Variants in FAM83F observed in about 807,000 individuals in gnomAD.
The protein encoded by FAM83F is scaffolding CK1 anchoring protein F.
A neutral mutation model predicts 42.9 loss-of-function variants in FAM83F; 45 were observed. The observed-to-expected ratio is 1.05, with a 90% CI of 0.83 to 1.35. The LOEUF (loss-of-function observed/expected upper bound fraction) is 1.35. Among genes scored for constraint, FAM83F ranks in the 40% most tolerant of loss-of-function variants. The probability of loss-of-function intolerance (pLI) is 0.00; values close to 1 mark genes in which losing one functional copy is unlikely to be tolerated. For synonymous variants in FAM83F, 306 were observed against 298.3 expected (o/e 1.03, Z -0.27); for missense variants, 617 against 695.9 (o/e 0.89, Z 1.28).
At chr22:40,026,790 G>A (rs892081459) in intron 4 of FAM83F, among the ~76,000 whole-genome samples, 4 of 152,260 alleles carry the variant, frequency 2.6e-5, no homozygotes, top group African/African-American at 9.6e-5. Context: ...CTGGCTGGCA[G>A]TGTGGTCTGG....
intron 1 of FAM83F, among the ~76,000 whole-genome samples, chr22:39,997,610 G>A (rs1434221818): frequency 6.6e-6 from 1 of 152,212 alleles, no homozygotes; most frequent in Non-Finnish European, 1.5e-5. Context: ...GGCTTCCTGA[G>A]GGAGGTGAGT....
rs2067581900 is a variant in FAM83F, at chr22:40,030,721, G to A, written c.*1156G>A. The A allele has an allele frequency of 6.6e-6, 1 of 152,322 alleles. No homozygotes were observed. Among genetic ancestry groups the A allele is most frequent in the Non-Finnish European group, 1.5e-5 (1 of 68,114 alleles). The allele number at this position is 152,322 out of a possible 1,614,324, so 9.4% of individuals were successfully genotyped here. A position where few individuals can be genotyped will look rare whatever the true frequency, so the allele number is the denominator to read the frequency against. ...GGAGAGTTTGTGAATGGACCTGGGA[G>A]AAATTGCCAAACTGCAGACTCTGTG... is the stretch of plus-strand genomic sequence containing the variant. On this transcript the variant is annotated 3_prime_UTR_variant, in exon 5 of 5. Transcript: ENST00000333407.
In FAM83F at chr22:40,036,847, C is replaced by T. The variant is rs1033750167; in HGVS notation, c.*7282C>T. On this transcript the variant is annotated 3_prime_UTR_variant, in exon 5 of 5. Coordinates refer to ENST00000333407, the MANE Select transcript of FAM83F (RefSeq NM_138435.4). ...CTTGTGGCTGGCTGGCAGCATACGT[C>T]CTTCCTCCCCTAGGTCAGCTAGACG... 6.6e-6 allele frequency: 1 copy of T among 152,212 alleles called. No individual in the cohort carries two copies. Among genetic ancestry groups the T allele is most frequent in the African/African-American group, 2.4e-5 (1 of 41,450 alleles). 9.4% of individuals were successfully genotyped at this position (152,212 alleles called of 1,614,324 possible).
chr22:40,003,427 C>T (rs914919220), intron 1 of FAM83F, among the ~76,000 whole-genome samples: 16 of 152,182 alleles, frequency 1.1e-4, no homozygotes, highest in African/African-American at 3.4e-4. Context: ...TTTCTTAGAG[C>T]GTGCAAAGCA....
At chr22:40,017,030 CTT>C (rs533441244) in intron 1 of FAM83F, among the ~76,000 whole-genome samples, 1,669 of 152,048 alleles carry the variant, frequency 0.011, 25 homozygotes, top group African/African-American at 0.038. Context: ...TCAGATAAAA[CTT>C]TTTTTTGTTT....
At position 40,009,173 on chromosome 22, in the gene FAM83F, C is replaced by T. The variant is rs547195127; in HGVS notation, c.490-9995C>T. Among the ~76,000 whole-genome samples the T allele has an allele frequency of 3.9e-5, 6 of 152,270 alleles. No individual in the cohort carries two copies. In the South Asian group the frequency reaches 1.2e-3, roughly 32 times the overall value. On this transcript the variant is annotated intron_variant, in intron 1 of 4. Coordinates refer to ENST00000333407, the MANE Select transcript of FAM83F (RefSeq NM_138435.4). ...AGGGCAGGTGTGGGAGGCGACTCGG[C>T]CCCAGGCGCACATGGGTAGGTAATC...
rs2067653844 is a variant in FAM83F at position 40,042,107 on chromosome 22, C to T, written c.*12542C>T. ...AAGCTCCTGGCCTCAAGCAATCCTT[C>T]CGCCTTGGCCTCTCAAATTGCTGGG... On this transcript the variant is annotated 3_prime_UTR_variant, in exon 5 of 5. Transcript: ENST00000333407. 1 of 152,188 alleles carries T rather than the reference C, an allele frequency of 6.6e-6. No homozygotes were observed. The highest frequency in any genetic ancestry group is 2.4e-5 in the African/African-American group (1 of 41,432). The allele number at this position is 152,188 out of a possible 1,614,324, so 9.4% of individuals were successfully genotyped here.
rs2067644845 is a variant in FAM83F at position 40,040,088 on chromosome 22, C to T, written c.*10523C>T. 6.6e-6 allele frequency: 1 copy of T among 152,210 alleles called. No homozygotes were observed. The highest frequency in any genetic ancestry group is 2.4e-5 in the African/African-American group (1 of 41,426). The allele number at this position is 152,210 out of a possible 1,614,324, so 9.4% of individuals were successfully genotyped here. ...GACGTGGAGGAAGGACCACCAGAGGCAGTAATTTAGCCGGAAAGAGGTGTA... is the reference window on the plus strand; with the variant it reads ...GACGTGGAGGAAGGACCACCAGAGGTAGTAATTTAGCCGGAAAGAGGTGTA... On this transcript the variant is annotated 3_prime_UTR_variant, in exon 5 of 5. Transcript: ENST00000333407.
In FAM83F at chr22:40,034,810, T is replaced by C. The variant is rs1283589512; in HGVS notation, c.*5245T>C. 2.6e-5 allele frequency: 4 copies of C among 152,212 alleles called. No individual in the cohort carries two copies. The highest frequency in any genetic ancestry group is 9.7e-5 in the African/African-American group (4 of 41,446). The allele number at this position is 152,212 out of a possible 1,614,324, so 9.4% of individuals were successfully genotyped here. ...GACTTCTAATACCGTATATGCCAAA[T>C]GGGGTTCTGCTGTGATTTAATTTCT... On this transcript the variant is annotated 3_prime_UTR_variant, in exon 5 of 5. Transcript: ENST00000333407.
chr22:39,995,325 GC>G lies in FAM83F; in HGVS notation c.284del (p.Ala95GlyfsTer38). 1 of 1,539,040 alleles carries G rather than the reference GC, an allele frequency of 6.5e-7. No homozygotes were observed. On this transcript the variant is annotated frameshift_variant, in exon 1 of 5. Coordinates refer to ENST00000333407, the MANE Select transcript of FAM83F (RefSeq NM_138435.4). LOFTEE classifies it high-confidence loss of function. The surrounding 1 kb of genome is among the most constrained non-coding windows in gnomAD (Gnocchi z 4.6). ...GKSKAKAKAP[A>X]PAPAESGESL... ...GAGCAAGGCCAAGGCCAAGGCCCCC[GC>G]GCCGGCGCCGGCTGAGTCCGGCGAG...
At position 40,030,348 on chromosome 22, in the gene FAM83F, T is replaced by A. The variant is rs1329266796; in HGVS notation, c.*783T>A. The A allele has an allele frequency of 2.6e-5, 4 of 152,272 alleles. No homozygotes were observed. In the East Asian group the frequency reaches 7.8e-4, roughly 30 times the overall value. 9.4% of individuals were successfully genotyped at this position (152,272 alleles called of 1,614,324 possible). A position where few individuals can be genotyped will look rare whatever the true frequency, so the allele number is the denominator to read the frequency against. ...CTATGTGGGGGTCCTTACAGGGCCT[T>A]TACCTGGGACTGCTCCTTCCCTCAG... On this transcript the variant is annotated 3_prime_UTR_variant, in exon 5 of 5. Transcript: ENST00000333407.
In FAM83F at chr22:40,031,274, T is replaced by G. The variant is rs2067585532; in HGVS notation, c.*1709T>G. On this transcript the variant is annotated 3_prime_UTR_variant, in exon 5 of 5. Coordinates refer to ENST00000333407, the MANE Select transcript of FAM83F (RefSeq NM_138435.4). ...AGAGGGGGGAGGTGGGATGTGGGGG[T>G]GTTACACCTCAGCTCGAGGCGGACA... 6.7e-6 allele frequency: 1 copy of G among 148,502 alleles called. No homozygotes were observed. Among genetic ancestry groups the G allele is most frequent in the Non-Finnish European group, 1.5e-5 (1 of 67,058 alleles). 9.2% of individuals were successfully genotyped at this position (148,502 alleles called of 1,614,324 possible).
chr22:40,019,145 C>T lies in FAM83F; in HGVS notation c.490-23C>T, dbSNP rs893786058. On this transcript the variant is annotated intron_variant, in intron 1 of 4. Coordinates refer to ENST00000333407, the MANE Select transcript of FAM83F (RefSeq NM_138435.4). ...GTGGGCGTGTAGACACCGTGTGCCT[C>T]ACCAGTGCCTTTCCCCACCCAGGTC... The T allele has an allele frequency of 6.2e-6, 10 of 1,612,344 alleles. No individual in the cohort carries two copies. In the African/African-American group the frequency reaches 9.3e-5, roughly 15 times the overall value.
chr22:40,008,586 A>T (rs1205651156), intron 1 of FAM83F, among the ~76,000 whole-genome samples: 1 of 151,960 alleles, frequency 6.6e-6, no homozygotes, highest in Non-Finnish European at 1.5e-5. Flanking sequence ...AGCAGCCTTC[A>T]CTCAAAGTGG....
intron 1 of FAM83F, among the ~76,000 whole-genome samples, chr22:40,005,777 T>A (rs531296688): frequency 6.6e-6 from 1 of 152,184 alleles, no homozygotes; most frequent in African/African-American, 2.4e-5. Flanking sequence ...CTGGGTGGAA[T>A]TGGGCTCTGC....
chr22:40,006,047 C>G (rs2067426385), intron 1 of FAM83F, among the ~76,000 whole-genome samples: 1 of 152,154 alleles, frequency 6.6e-6, no homozygotes, highest in Admixed American at 6.5e-5. Context: ...TGAAACCAGC[C>G]TGGCCAACAT....
Position 40,038,370 on chromosome 22 carries a change from T to G in FAM83F, c.*8805T>G, listed in dbSNP as rs1471818883. 2 of 152,196 alleles carry G rather than the reference T, an allele frequency of 1.3e-5. No homozygotes were observed. The highest frequency in any genetic ancestry group is 2.4e-5 in the African/African-American group (1 of 41,440). 9.4% of individuals were successfully genotyped at this position (152,196 alleles called of 1,614,324 possible). A position where few individuals can be genotyped will look rare whatever the true frequency, so the allele number is the denominator to read the frequency against. On this transcript the variant is annotated 3_prime_UTR_variant, in exon 5 of 5. Coordinates refer to ENST00000333407, the MANE Select transcript of FAM83F (RefSeq NM_138435.4). ...AGACAGAACTCTTTTAGGAGAATTATGAGAATCACAATTATCGAGGACACA... is the reference window on the plus strand; with the variant it reads ...AGACAGAACTCTTTTAGGAGAATTAGGAGAATCACAATTATCGAGGACACA...
At chr22:40,014,992 T>A (rs1423256762) in intron 1 of FAM83F, among the ~76,000 whole-genome samples, 1 of 152,056 alleles carries the variant, frequency 6.6e-6, no homozygotes, top group Non-Finnish European at 1.5e-5. Context: ...TAGAGTGCAC[T>A]GAAAGTATTT....
At chr22:40,007,431 T>C (rs1385035821) in intron 1 of FAM83F, among the ~76,000 whole-genome samples, 1 of 962 alleles carries the variant, frequency 1.0e-3, no homozygotes, top group African/African-American at 5.1e-3. Context: ...CCTCCTCTCC[T>C]CTCCTCCTCT....
Sources: allele counts gnomAD v4.1 joint callset (sites outside exome capture counted in the v4.1 genomes callset), GRCh38; gene constraint gnomAD v4.1.1; non-coding constraint Gnocchi (gnomAD v3.1); transcripts MANE v1.5; gene names NCBI Gene and HGNC (gene_info 2026-07-23, HGNC 2026-07-21).